The following NAV2 variants were observed in gnomAD, a reference collection of about 807,000 sequenced individuals.
The protein encoded by NAV2 is neuron navigator 2, also known as helicase, APC down-regulated 1.
In NAV2, 54 loss-of-function variants were observed where a neutral mutation model predicts 223.2. The ratio of observed to expected loss-of-function variants is 0.24; its 90% CI spans 0.19 to 0.30. NAV2 has a LOEUF of 0.30. Among genes scored for constraint, NAV2 ranks in the 10% least tolerant of loss-of-function variants. NAV2 has a pLI of 1.00. For missense variants in NAV2, 2,806 were observed against 3,147.5 expected (o/e 0.89, Z 2.60); for synonymous variants, 1,279 against 1,239.3 (o/e 1.03, Z -0.67).
At chr11:20,087,982 G>T (rs925982114) in intron 26 of NAV2, among the ~76,000 whole-genome samples, 1 of 152,100 alleles carries the variant, frequency 6.6e-6, no homozygotes, top group Admixed American at 6.5e-5. Context: ...AATGTGATCA[G>T]ATGCCAGAAA....
intron 10 of NAV2, among the ~76,000 whole-genome samples, chr11:19,981,040 C>G (rs566185507): frequency 6.6e-6 from 1 of 152,280 alleles, no homozygotes; most frequent in East Asian, 1.9e-4. Context: ...TCTGCCTGCC[C>G]TCCCTCTACA....
intron 1 of NAV2, among the ~76,000 whole-genome samples, chr11:19,545,867 G>T (rs2044482944): frequency 1.3e-5 from 2 of 152,074 alleles, no homozygotes; most frequent in Non-Finnish European, 2.9e-5. Context: ...CCAAAAGATT[G>T]GACAACCCTG....
chr11:20,082,337 C>A (rs2060143050), intron 25 of NAV2, among the ~76,000 whole-genome samples: 1 of 152,164 alleles, frequency 6.6e-6, no homozygotes, highest in South Asian at 2.1e-4. Context: ...TTCAGCCAGA[C>A]AGGGAAAAGC....
chr11:19,836,563 CAAAAAAAAAAA>C (rs34706618), intron 2 of NAV2, among the ~76,000 whole-genome samples: 1,976 of 82,606 alleles, frequency 0.024, 46 homozygotes, highest in African/African-American at 0.067. Flanking sequence ...GACTCTGTCT[CAAAAAAAAAAA>C]AAAAAAAGCT....
intron 13 of NAV2, among the ~76,000 whole-genome samples, chr11:20,044,651 G>A (rs1448883819): frequency 7.9e-5 from 12 of 152,094 alleles, no homozygotes; most frequent in Admixed American, 7.9e-4. Flanking sequence ...GACATGTTAG[G>A]GACAGCGCTT....
At chr11:19,646,738 C>G (rs1346008598) in intron 1 of NAV2, among the ~76,000 whole-genome samples, 1 of 152,256 alleles carries the variant, frequency 6.6e-6, no homozygotes, top group South Asian at 2.1e-4. Context: ...AAATATAAAA[C>G]CTTTCACCTT....
chr11:19,981,602 G>A (rs7931476), intron 10 of NAV2, among the ~76,000 whole-genome samples: 20,160 of 152,262 alleles, frequency 0.13, 1,483 homozygotes, highest in African/African-American at 0.2. Context: ...ACTTGGCTAA[G>A]ATCAAAATTA....
intron 1 of NAV2, among the ~76,000 whole-genome samples, chr11:19,423,585 C>T (rs143286691): frequency 3.9e-5 from 6 of 152,226 alleles, no homozygotes; most frequent in African/African-American, 1.4e-4. Context: ...CCATGTACAA[C>T]ACACATGTTA....
chr11:19,694,297 C>T (rs2049264804), intron 1 of NAV2, among the ~76,000 whole-genome samples: 1 of 152,198 alleles, frequency 6.6e-6, no homozygotes. Flanking sequence ...GGCAAATGAG[C>T]TGGGTTTTCA....
chr11:20,034,188 C>T (rs768024303), intron 11 of NAV2, among the ~76,000 whole-genome samples: 6 of 151,988 alleles, frequency 3.9e-5, no homozygotes, highest in Non-Finnish European at 2.9e-5. Context: ...TGACCTTGTA[C>T]AGGGTATCTA....
At chr11:19,836,607 T>G (rs1196187358) in intron 2 of NAV2, among the ~76,000 whole-genome samples, 1 of 151,838 alleles carries the variant, frequency 6.6e-6, no homozygotes, top group African/African-American at 2.4e-5. Context: ...ATGAATTGCT[T>G]CTATAAAAAG....
At chr11:19,600,048 G>A (rs1006789011) in intron 1 of NAV2, among the ~76,000 whole-genome samples, 1 of 152,184 alleles carries the variant, frequency 6.6e-6, no homozygotes, top group African/African-American at 2.4e-5. Context: ...GGAGTGGGGA[G>A]TGAGACAGCG....
chr11:19,942,612 A>G (rs1018662733), intron 8 of NAV2, among the ~76,000 whole-genome samples: 1 of 152,208 alleles, frequency 6.6e-6, no homozygotes, highest in Non-Finnish European at 1.5e-5. Context: ...GTGTTGTATA[A>G]TAAACATTTC....
At chr11:19,904,236 T>C (rs2042679968) in intron 6 of NAV2, among the ~76,000 whole-genome samples, 1 of 152,224 alleles carries the variant, frequency 6.6e-6, no homozygotes, top group Admixed American at 6.5e-5. Context: ...CATATATTCA[T>C]GTGTCTGAGG....
At chr11:19,565,864 C>T (rs144056694) in intron 1 of NAV2, among the ~76,000 whole-genome samples, 2 of 152,096 alleles carry the variant, frequency 1.3e-5, no homozygotes, top group African/African-American at 4.8e-5. Context: ...ACGAAATGCT[C>T]GATGTGGCCT....
chr11:19,533,986 G>T (rs963368535), intron 1 of NAV2, among the ~76,000 whole-genome samples: 1 of 132,256 alleles, frequency 7.6e-6, no homozygotes, highest in Non-Finnish European at 1.5e-5. Flanking sequence ...GATTACAGGC[G>T]TGAGCCACCG....
chr11:19,710,278 C>A (rs2049825145), upstream of NAV2, among the ~76,000 whole-genome samples: 1 of 152,190 alleles, frequency 6.6e-6, no homozygotes, highest in Non-Finnish European at 1.5e-5. Context: ...CTGTGCTACT[C>A]AAAGCGTGAT....
At chr11:19,720,918 G>T (rs2050699720) in intron 1 of NAV2, among the ~76,000 whole-genome samples, 1 of 152,176 alleles carries the variant, frequency 6.6e-6, no homozygotes, top group South Asian at 2.1e-4. Context: ...AAATGGAGAA[G>T]ATAGTACCTG....
At chr11:19,789,077 G>A (rs1217983564) in intron 1 of NAV2, among the ~76,000 whole-genome samples, 1 of 151,890 alleles carries the variant, frequency 6.6e-6, no homozygotes, top group East Asian at 1.9e-4. Flanking sequence ...TCATTTATTT[G>A]ACTAAATCAA....
Sources: allele counts gnomAD v4.1 joint callset (sites outside exome capture counted in the v4.1 genomes callset), GRCh38; gene constraint gnomAD v4.1.1; transcripts MANE v1.5; gene names NCBI Gene and HGNC (gene_info 2026-07-23, HGNC 2026-07-21).